Variants in GABRG3 observed in about 807,000 individuals in gnomAD.
GABRG3 encodes the protein gamma-aminobutyric acid type A receptor subunit gamma3.
Under a neutral mutation model 48.8 loss-of-function variants are expected in GABRG3, and 25 were observed. That is an observed-to-expected ratio of 0.51 (90% CI 0.37 to 0.72). The LOEUF is 0.72. Ranked by LOEUF, GABRG3 falls within the 30% of genes least tolerant of loss-of-function variation. The probability of loss-of-function intolerance (pLI) is 0.00; values close to 1 mark genes in which losing one functional copy is unlikely to be tolerated. For missense variants in GABRG3, 394 were observed against 577.9 expected, an observed-to-expected ratio of 0.68 and a Z score of 3.26; for synonymous variants, 227 against 217.6, an observed-to-expected ratio of 1.04 and a Z score of -0.38.
intron 2 of GABRG3, among the ~76,000 whole-genome samples, chr15:27,005,696 G>A (rs1034844699): frequency 1.5e-4 from 23 of 152,144 alleles, no homozygotes; most frequent in African/African-American, 4.3e-4. Context: ...AGGAGCAGTC[G>A]GAATTTGGAT....
chr15:27,097,676 G>A (rs1897287779), intron 3 of GABRG3, among the ~76,000 whole-genome samples: 1 of 152,096 alleles, frequency 6.6e-6, no homozygotes, highest in African/African-American at 2.4e-5. Flanking sequence ...TCCCCACTGA[G>A]TGACTGGAGG....
chr15:27,203,818 G>C (rs1055139730), intron 3 of GABRG3, among the ~76,000 whole-genome samples: 1 of 152,024 alleles, frequency 6.6e-6, no homozygotes, highest in Non-Finnish European at 1.5e-5. Flanking sequence ...CTATATGCTT[G>C]TTGGCTGCAT....
At chr15:27,347,888 AG>A (rs1270187736) in intron 5 of GABRG3, among the ~76,000 whole-genome samples, 2 of 152,066 alleles carry the variant, frequency 1.3e-5, no homozygotes, top group Non-Finnish European at 2.9e-5. Context: ...TGCAGATTTC[AG>A]GGGGGGTTTC....
rs1465514653 is a variant in GABRG3 at position 27,528,064 on chromosome 15, ATTGC to A, written c.1122+74_1122+77del. 143 of 1,069,566 alleles carry A rather than the reference ATTGC, an allele frequency of 1.3e-4. 1 individual carries two copies. The Admixed American group carries it at 2.8e-3, about 21-fold the overall frequency. 66.3% of individuals were successfully genotyped at this position (1,069,566 alleles called of 1,614,324 possible). A position where few individuals can be genotyped will look rare whatever the true frequency, so the allele number is the denominator to read the frequency against. On this transcript the variant is annotated intron_variant, in intron 9 of 9. Transcript: ENST00000615808. ...AACTAAGATTGCATTTGAAAGATAG[ATTGC>A]TGTTGATGCATGCATGTATTGAAGA...
At chr15:27,029,098 ACT>A (rs570359262) in intron 3 of GABRG3, among the ~76,000 whole-genome samples, 1 of 152,052 alleles carries the variant, frequency 6.6e-6, no homozygotes, top group Non-Finnish European at 1.5e-5. Context: ...TTTTCTATTA[ACT>A]CTCTCATTTG....
intron 3 of GABRG3, among the ~76,000 whole-genome samples, chr15:27,120,420 T>C (rs1008504786): frequency 8.5e-5 from 13 of 152,254 alleles, no homozygotes; most frequent in African/African-American, 3.1e-4. Context: ...ACTCCTGGTC[T>C]ATGTGTGATG....
intron 3 of GABRG3, among the ~76,000 whole-genome samples, chr15:27,029,544 A>G (rs963093353): frequency 5.3e-5 from 8 of 151,818 alleles, no homozygotes; most frequent in African/African-American, 1.9e-4. Flanking sequence ...ACAGGCGCAC[A>G]CACACGCACA....
At chr15:27,074,228 A>C (rs1311702909) in intron 3 of GABRG3, among the ~76,000 whole-genome samples, 1 of 152,152 alleles carries the variant, frequency 6.6e-6, no homozygotes, top group Non-Finnish European at 1.5e-5. Context: ...AGTACAATTC[A>C]TGATGAGATT....
At chr15:27,356,245 A>C (rs1894835078) in intron 5 of GABRG3, among the ~76,000 whole-genome samples, 1 of 152,104 alleles carries the variant, frequency 6.6e-6, no homozygotes, top group South Asian at 2.1e-4. Context: ...GGAAGAAAAA[A>C]CAAAGATATG....
chr15:27,388,101 AG>A (rs1196366599), intron 5 of GABRG3, among the ~76,000 whole-genome samples: 3 of 41,388 alleles, frequency 7.2e-5, no homozygotes, highest in African/African-American at 2.3e-4. Context: ...GAGGAAAGGG[AG>A]GGAGGGAAAA....
chr15:27,239,744 T>C (rs1416141244), intron 3 of GABRG3, among the ~76,000 whole-genome samples: 1 of 152,220 alleles, frequency 6.6e-6, no homozygotes, highest in African/African-American at 2.4e-5. Flanking sequence ...CTTAAATATA[T>C]TGGTTTCTGC....
chr15:27,411,072 T>G (rs964882509), intron 5 of GABRG3, among the ~76,000 whole-genome samples: 1 of 152,182 alleles, frequency 6.6e-6, no homozygotes, highest in Non-Finnish European at 1.5e-5. Flanking sequence ...AGTTAGATAT[T>G]AGAGCTTTTC....
chr15:27,064,186 G>A (rs376220408), intron 3 of GABRG3, among the ~76,000 whole-genome samples: 2 of 152,194 alleles, frequency 1.3e-5, no homozygotes, highest in Non-Finnish European at 2.9e-5. Flanking sequence ...CCAGGAGGGC[G>A]CAGGGTGGAA....
intron 5 of GABRG3, among the ~76,000 whole-genome samples, chr15:27,423,626 G>A (rs1029546798): frequency 1.3e-5 from 2 of 149,460 alleles, no homozygotes; most frequent in Middle Eastern, 3.2e-3. Flanking sequence ...AAACACTGCA[G>A]CCTTGACCTC....
At chr15:27,376,925 G>C (rs1384966075) in intron 5 of GABRG3, among the ~76,000 whole-genome samples, 2 of 152,136 alleles carry the variant, frequency 1.3e-5, no homozygotes, top group African/African-American at 4.8e-5. Flanking sequence ...GCATTGTCAG[G>C]CTGCAAATTT....
At chr15:27,078,282 G>A (rs546817840) in intron 3 of GABRG3, among the ~76,000 whole-genome samples, 1 of 151,756 alleles carries the variant, frequency 6.6e-6, no homozygotes, top group South Asian at 2.1e-4. Flanking sequence ...AGTCAGTCAG[G>A]TGCCAGATTT....
At chr15:27,436,736 A>G (rs1003775786) in intron 5 of GABRG3, among the ~76,000 whole-genome samples, 1 of 152,194 alleles carries the variant, frequency 6.6e-6, no homozygotes, top group African/African-American at 2.4e-5. Flanking sequence ...GATCAGAGCA[A>G]CCAAGACCAT....
At chr15:27,213,401 T>G (rs1889134647) in intron 3 of GABRG3, among the ~76,000 whole-genome samples, 1 of 152,206 alleles carries the variant, frequency 6.6e-6, no homozygotes, top group South Asian at 2.1e-4. Flanking sequence ...GCTGATGAGG[T>G]TGGCTTCCTA....
intron 3 of GABRG3, among the ~76,000 whole-genome samples, chr15:27,070,027 G>C (rs1261901308): frequency 1.3e-5 from 2 of 152,224 alleles, no homozygotes; most frequent in African/African-American, 4.8e-5. Context: ...AAGTGAATTA[G>C]AGAGAGGAAG....
Sources: gnomAD v4.1 joint callset for allele counts (sites outside exome capture counted in the v4.1 genomes callset) on GRCh38, gnomAD v4.1.1 for gene constraint, MANE v1.5 for transcripts, NCBI Gene and HGNC (gene_info 2026-07-23, HGNC 2026-07-21) for gene names.